The following MGA variants were observed in gnomAD, a reference collection of about 807,000 sequenced individuals.
MGA encodes MAX gene-associated protein.
MGA carries 40 observed loss-of-function variants against 261.1 expected under a neutral mutation model. The ratio of observed to expected loss-of-function variants is 0.15; its 90% CI spans 0.12 to 0.20. The LOEUF (loss-of-function observed/expected upper bound fraction) is 0.20. Among genes scored for constraint, MGA ranks in the 10% least tolerant of loss-of-function variants. The pLI is 1.00. For synonymous variants in MGA, 1,302 were observed against 1,290.6 expected, an observed-to-expected ratio of 1.01 and a Z score of -0.19; for missense variants, 3,397 against 3,630.5, an observed-to-expected ratio of 0.94 and a Z score of 1.65.
Position 41,696,519 on chromosome 15 carries a change from A to C in MGA, c.1509A>C (p.Ala503=). 1 of 1,614,030 alleles carries C rather than the reference A, an allele frequency of 6.2e-7. No homozygotes were observed. The highest frequency in any genetic ancestry group is 8.5e-7 in the Non-Finnish European group (1 of 1,179,900). ...GAAAGGATAAATCTTCTATGTTGGC[A>C]GAATTGGAATATTTGCCTACATACA... The change falls in exon 3 of 24, where the codon GCA becomes GCC. Residue 503 remains alanine (A), a synonymous_variant. Coordinates refer to ENST00000219905, the MANE Select transcript of MGA (RefSeq NM_001164273.2).
In MGA at chr15:41,749,192, C is replaced by G. The variant is rs1428651067; in HGVS notation, c.5585C>G (p.Ser1862Cys). 4 of 1,613,930 alleles carry G rather than the reference C, an allele frequency of 2.5e-6. No homozygotes were observed. The highest frequency in any genetic ancestry group is 3.4e-6 in the Non-Finnish European group (4 of 1,179,916). ...TCTTCCACTTCGTCCTCTGCTTTCT[C>G]TGTCATGAATCCTGTAATTCAAGCT... Residue 1862 changes from serine to cysteine, a missense_variant, in exon 17 of 24, where the codon TCT (serine) becomes TGT (cysteine). By Grantham distance (112) the Ser-to-Cys change is moderately radical (BLOSUM62 -1). Transcript: ENST00000219905.
Position 41,767,231 on chromosome 15 carries a change from T to C in MGA, c.9149T>C (p.Val3050Ala), listed in dbSNP as rs2063844227. Residue 3050 changes from valine (V) to alanine (A), a missense_variant, in exon 24 of 24, where the codon GTG (valine) becomes GCG (alanine). Val to Ala is a moderately conservative substitution (Grantham distance 64). Transcript: ENST00000219905. Reference sequence around the variant, plus strand: ...GTGATGCCTACATTGGCACCTGTTGTGGCTAAATTGGGCAACTCGGGGGCC... The same window carrying C: ...GTGATGCCTACATTGGCACCTGTTGCGGCTAAATTGGGCAACTCGGGGGCC... 1 of 1,613,656 alleles carries C rather than the reference T, an allele frequency of 6.2e-7. No homozygotes were observed. Among genetic ancestry groups the C allele is most frequent in the Non-Finnish European group, 8.5e-7 (1 of 1,179,738 alleles).
chr15:41,732,880 A>C (rs2151752448), intron 11 of MGA, among the ~76,000 whole-genome samples: 1 of 151,926 alleles, frequency 6.6e-6, no homozygotes, highest in South Asian at 2.1e-4. Flanking sequence ...AACCATTCAG[A>C]CTCCTTTCCT....
At chr15:41,705,625 G>A (rs2060067892) in intron 5 of MGA, among the ~76,000 whole-genome samples, 1 of 152,194 alleles carries the variant, frequency 6.6e-6, no homozygotes, top group Admixed American at 6.5e-5. Flanking sequence ...GCCTCCCAAA[G>A]TGCAGGGATT....
chr15:41,640,430 A>G (rs1044666361), intron 1 of MGA, among the ~76,000 whole-genome samples: 5 of 152,202 alleles, frequency 3.3e-5, no homozygotes, highest in African/African-American at 1.2e-4. Context: ...TAGAGAAGCG[A>G]TACAGTTTCT....
In MGA at chr15:41,696,979, C is replaced by T; in HGVS notation, c.1969C>T (p.Leu657=). ...TACCTTTCCAGATGTGAAGCCTGAT[C>T]TGGAAGATGTGGATGGTGTTCTCTT... Residue 657 remains leucine (L), a synonymous_variant, in exon 3 of 24, where the codon CTG becomes TTG. Transcript: ENST00000219905. 1 of 1,593,484 alleles carries T rather than the reference C, an allele frequency of 6.3e-7. No homozygotes were observed. The highest frequency in any genetic ancestry group is 2.2e-5 in the East Asian group (1 of 44,672).
chr15:41,700,041 GTTTTTTT>G (rs763919635), intron 5 of MGA, among the ~76,000 whole-genome samples: 3 of 101,572 alleles, frequency 3.0e-5, no homozygotes, highest in East Asian at 4.1e-4. Flanking sequence ...TGTCATCGAG[GTTTTTTT>G]TTTTTTTTTT....
chr15:41,655,169 T>C (rs1301793982), intron 1 of MGA, among the ~76,000 whole-genome samples: 2 of 144,280 alleles, frequency 1.4e-5, no homozygotes, highest in South Asian at 4.4e-4. Context: ...ACTTTATTTT[T>C]TTAATTTACT....
At chr15:41,663,934 C>A (rs937715269) in intron 1 of MGA, among the ~76,000 whole-genome samples, 1 of 152,078 alleles carries the variant, frequency 6.6e-6, no homozygotes, top group South Asian at 2.1e-4. Context: ...AAAGAAAATT[C>A]ATATGGTAGC....
Position 41,766,898 on chromosome 15 carries a change from T to G in MGA, c.8816T>G (p.Leu2939Arg). The change falls in exon 24 of 24, where the codon CTT (leucine) becomes CGT (arginine). Residue 2939 changes from leucine (L) to arginine (R), a missense_variant. This residue lies in a region of MGA where 647 missense variants were observed against 642.4 expected (regional missense o/e 1.01). Transcript: ENST00000219905. ...GACTCTGAAATAAAGGATTCCCTCC[T>G]TTCCAACAAGAAAGCTATTGATGGA... is the stretch of plus-strand genomic sequence containing the variant. The G allele has an allele frequency of 1.2e-6, 2 of 1,614,042 alleles. No individual in the cohort carries two copies. Among genetic ancestry groups the G allele is most frequent in the Non-Finnish European group, 1.7e-6 (2 of 1,179,892 alleles).
intron 20 of MGA, among the ~76,000 whole-genome samples, chr15:41,761,231 C>T (rs1021217534): frequency 2.0e-5 from 3 of 152,198 alleles, no homozygotes; most frequent in African/African-American, 7.2e-5. Flanking sequence ...TTTTAATATG[C>T]TTAACAGTTG....
Position 41,710,712 on chromosome 15 carries a change from T to C in MGA, c.2447T>C (p.Leu816Pro). Reference sequence around the variant, plus strand: ...CTAGGTGGAAATTCAGAAAGTTCACTGAAAAATCGTTCTGCTTTCTGTAGT... The same window carrying C: ...CTAGGTGGAAATTCAGAAAGTTCACCGAAAAATCGTTCTGCTTTCTGTAGT... Residue 816 changes from leucine (L) to proline (P), a missense_variant, in exon 8 of 24, where the codon CTG (leucine) becomes CCG (proline). By Grantham distance (98) the Leu-to-Pro change is moderately conservative (BLOSUM62 -3). This residue lies in a region of MGA where 519 missense variants were observed against 554.1 expected (regional missense o/e 0.94). Coordinates refer to ENST00000219905, the MANE Select transcript of MGA (RefSeq NM_001164273.2). 6.2e-7 allele frequency: 1 copy of C among 1,601,982 alleles called. No individual in the cohort carries two copies. The highest frequency in any genetic ancestry group is 1.1e-5 in the South Asian group (1 of 88,932).
chr15:41,720,660 C>T (rs1213620391), intron 9 of MGA, among the ~76,000 whole-genome samples: 4 of 151,974 alleles, frequency 2.6e-5, no homozygotes, highest in Admixed American at 6.6e-5. Context: ...GGCGAAACCC[C>T]GTCTCTACTA....
chr15:41,668,124 CA>C lies in MGA; in HGVS notation c.-67-703del, dbSNP rs370129123. 4.0e-3 allele frequency among the ~76,000 whole-genome samples: 599 copies of C among 148,776 alleles called. 1 individual carries two copies. Among genetic ancestry groups the C allele is most frequent in the East Asian group, 5.3e-3 (27 of 5,096 alleles). On this transcript the variant is annotated intron_variant, in intron 1 of 23. Transcript: ENST00000219905. ...TGGCATCATATAGTATTAAATTTAT[CA>C]CTTTTTTTTTTTTTGGCCTTACTGG...
At chr15:41,686,909 C>T (rs1204693121) in intron 2 of MGA, among the ~76,000 whole-genome samples, 1 of 152,040 alleles carries the variant, frequency 6.6e-6, no homozygotes, top group Admixed American at 6.6e-5. Flanking sequence ...GCACCAAATT[C>T]ATGTGGGATA....
intron 2 of MGA, among the ~76,000 whole-genome samples, chr15:41,677,657 CGTT>C (rs1171943900): frequency 6.6e-6 from 1 of 152,102 alleles, no homozygotes; most frequent in Non-Finnish European, 1.5e-5. Context: ...AGGGATAGCT[CGTT>C]GTTTTTAATT....
intron 2 of MGA, chr15:41,691,474 T>G (rs2059282175): frequency 3.6e-6 from 1 of 279,576 alleles, no homozygotes; most frequent in Non-Finnish European, 7.7e-6. Context: ...CATTTACCTG[T>G]GAATAGAGAT....
chr15:41,632,343 G>T (rs2056607155), intron 1 of MGA, among the ~76,000 whole-genome samples: 1 of 152,144 alleles, frequency 6.6e-6, no homozygotes, highest in African/African-American at 2.4e-5. Context: ...ATATAAAAGA[G>T]CCAAGATTGC....
chr15:41,671,681 T>C (rs1367186154), intron 2 of MGA, among the ~76,000 whole-genome samples: 1 of 152,126 alleles, frequency 6.6e-6, no homozygotes, highest in African/African-American at 2.4e-5. Context: ...AGTAAAGAAA[T>C]CCCTGCACAC....
Sources: gnomAD v4.1 joint callset for allele counts (sites outside exome capture counted in the v4.1 genomes callset) on GRCh38, gnomAD v4.1.1 for gene constraint, gnomAD v4.1.1 regional missense constraint, MANE v1.5 for transcripts, NCBI Gene and HGNC (gene_info 2026-07-23, HGNC 2026-07-21) for gene names.